Variants in EXOC4 observed in about 807,000 individuals in gnomAD.
EXOC4 encodes the protein exocyst complex component 4.
A neutral mutation model predicts 107.2 loss-of-function variants in EXOC4; 71 were observed. The observed-to-expected ratio is 0.66, with a 90% CI of 0.55 to 0.81. The LOEUF is 0.81. Ranked by LOEUF, EXOC4 falls within the 30% of genes least tolerant of loss-of-function variation. The pLI, the probability that EXOC4 is intolerant of heterozygous loss-of-function variation, is 0.00. For missense variants in EXOC4, 1,108 were observed against 1,189.6 expected (o/e 0.93, Z 1.01); for synonymous variants, 456 against 441.2 (o/e 1.03, Z -0.42).
intron 14 of EXOC4, among the ~76,000 whole-genome samples, chr7:133,985,813 A>G (rs1794100602): frequency 6.6e-6 from 1 of 152,222 alleles, no homozygotes; most frequent in Non-Finnish European, 1.5e-5. Context: ...ACTAGACCAT[A>G]GAACAGCACA....
At chr7:133,620,272 C>T (rs1272544082) in intron 9 of EXOC4, among the ~76,000 whole-genome samples, 1 of 152,020 alleles carries the variant, frequency 6.6e-6, no homozygotes, top group African/African-American at 2.4e-5. Flanking sequence ...AGTGATCCAC[C>T]CGCCTCAGCC....
chr7:133,699,265 A>T (rs1310435835), intron 10 of EXOC4, among the ~76,000 whole-genome samples: 1 of 152,036 alleles, frequency 6.6e-6, no homozygotes, highest in Non-Finnish European at 1.5e-5. Context: ...TCTCCGCCTG[A>T]CACTTTCCTA....
chr7:133,378,010 A>G (rs1454510057), intron 7 of EXOC4, among the ~76,000 whole-genome samples: 1 of 151,876 alleles, frequency 6.6e-6, no homozygotes, highest in Non-Finnish European at 1.5e-5. Context: ...ACTTAAAGAA[A>G]TGTTATAGAA....
chr7:133,282,779 T>C (rs1186542075), intron 2 of EXOC4, among the ~76,000 whole-genome samples: 1 of 152,216 alleles, frequency 6.6e-6, no homozygotes, highest in Non-Finnish European at 1.5e-5. Flanking sequence ...CAGTTATTTG[T>C]GGTGAGAATA....
intron 11 of EXOC4, among the ~76,000 whole-genome samples, chr7:133,857,147 CGTATATATATAT>C (rs1162530392): frequency 1.0e-4 from 2 of 19,092 alleles, no homozygotes; most frequent in African/African-American, 2.3e-4. Context: ...TACACATACA[CGTATATATATAT>C]ATATATATAT....
At chr7:133,767,158 T>C (rs1167096705) in intron 10 of EXOC4, among the ~76,000 whole-genome samples, 4 of 151,872 alleles carry the variant, frequency 2.6e-5, no homozygotes, top group Non-Finnish European at 5.9e-5. Context: ...GAAATGCCAA[T>C]CTAAGAAAAT....
At chr7:133,867,477 G>A (rs1039792950) in intron 11 of EXOC4, among the ~76,000 whole-genome samples, 1 of 152,122 alleles carries the variant, frequency 6.6e-6, no homozygotes, top group Non-Finnish European at 1.5e-5. Context: ...TCAAACACCT[G>A]GCTGGTGGAT....
intron 17 of EXOC4, among the ~76,000 whole-genome samples, chr7:134,036,444 TG>T (rs1341312145): frequency 6.6e-6 from 1 of 152,044 alleles, no homozygotes; most frequent in African/African-American, 2.4e-5. Flanking sequence ...AAAAATTATC[TG>T]GGTGTGGTGG....
chr7:133,403,303 A>G (rs1052223579), intron 7 of EXOC4, among the ~76,000 whole-genome samples: 7 of 152,212 alleles, frequency 4.6e-5, no homozygotes, highest in African/African-American at 1.7e-4. Context: ...CTTTCAGATG[A>G]TGGAAGCTGT....
chr7:133,278,843 A>C (rs992184445), intron 2 of EXOC4, among the ~76,000 whole-genome samples: 1 of 151,966 alleles, frequency 6.6e-6, no homozygotes, highest in Non-Finnish European at 1.5e-5. Context: ...TTATACTTTA[A>C]GTTTTAGGGT....
intron 9 of EXOC4, among the ~76,000 whole-genome samples, chr7:133,586,583 C>G (rs1801410006): frequency 6.6e-6 from 1 of 152,264 alleles, no homozygotes; most frequent in East Asian, 1.9e-4. Context: ...GATGACCATA[C>G]ATGTGCATGT....
chr7:134,085,242 G>C, the EXOC4 span, among the ~76,000 whole-genome samples: 1 of 152,004 alleles, frequency 6.6e-6, no homozygotes, highest in Non-Finnish European at 1.5e-5. Flanking sequence ...CTCTAGGTCA[G>C]GTTGAGAGGT....
rs1796154773 is a variant in EXOC4 at position 134,065,174 on chromosome 7, G to A, written c.*646G>A. ...GTATGCTGTATCTTGTACACAGGTT[G>A]TAGGTTGGTTTATTGCCATTTTGTT... On this transcript the variant is annotated 3_prime_UTR_variant, in exon 18 of 18. Coordinates refer to ENST00000253861, the MANE Select transcript of EXOC4 (RefSeq NM_021807.4). 1 of 152,536 alleles carries A rather than the reference G, an allele frequency of 6.6e-6. No homozygotes were observed. The highest frequency in any genetic ancestry group is 1.5e-5 in the Non-Finnish European group (1 of 68,034). The allele number at this position is 152,536 out of a possible 1,614,324, so 9.4% of individuals were successfully genotyped here.
chr7:134,084,044 C>T, the EXOC4 span, among the ~76,000 whole-genome samples: 1 of 152,182 alleles, frequency 6.6e-6, no homozygotes, highest in African/African-American at 2.4e-5. Flanking sequence ...CTTATGCTAT[C>T]ACTCTAATAC....
At chr7:133,542,026 G>GCATT (rs1800390443) in intron 9 of EXOC4, among the ~76,000 whole-genome samples, 1 of 152,108 alleles carries the variant, frequency 6.6e-6, no homozygotes, top group African/African-American at 2.4e-5. Context: ...AGGACACAGT[G>GCATT]TAAGTGCATT....
At chr7:133,617,658 A>C (rs899002347) in intron 9 of EXOC4, among the ~76,000 whole-genome samples, 1 of 152,134 alleles carries the variant, frequency 6.6e-6, no homozygotes, top group African/African-American at 2.4e-5. Flanking sequence ...CATAAAGCAT[A>C]TGGATCATCT....
At chr7:133,756,760 A>G (rs1030601987) in intron 10 of EXOC4, among the ~76,000 whole-genome samples, 5 of 152,240 alleles carry the variant, frequency 3.3e-5, no homozygotes, top group South Asian at 2.1e-4. Flanking sequence ...TTACTCTAAT[A>G]TTATGCAACC....
chr7:133,285,121 G>A (rs1395789438), intron 2 of EXOC4, among the ~76,000 whole-genome samples: 3 of 151,934 alleles, frequency 2.0e-5, no homozygotes, highest in Non-Finnish European at 4.4e-5. Flanking sequence ...CTATATAGTT[G>A]TATTCTAGTT....
chr7:133,762,996 G>A lies in EXOC4; in HGVS notation c.1515-54329G>A, dbSNP rs1013819363. ...CAAGTGTTGTATACCGATTTATAAA[G>A]TCAATATGCTCCCTGGCCAAAAGGT... On this transcript the variant is annotated intron_variant, in intron 10 of 17. Transcript: ENST00000253861. Among the ~76,000 whole-genome samples, 7 of 152,030 alleles carry A rather than the reference G, an allele frequency of 4.6e-5. No individual in the cohort carries two copies. The South Asian group carries it at 1.5e-3, about 32-fold the overall frequency.
Sources: allele counts gnomAD v4.1 joint callset (sites outside exome capture counted in the v4.1 genomes callset), GRCh38; gene constraint gnomAD v4.1.1; transcripts MANE v1.5; gene names NCBI Gene and HGNC (gene_info 2026-07-23, HGNC 2026-07-21).